The following PHACTR2 variants were observed in gnomAD, a reference collection of about 807,000 sequenced individuals.
PHACTR2 encodes the protein phosphatase and actin regulator 2.
PHACTR2 carries 30 observed loss-of-function variants against 76.0 expected under a neutral mutation model. The observed-to-expected ratio is 0.39, with a 90% CI of 0.30 to 0.54. PHACTR2 has a LOEUF of 0.54. Ranked by LOEUF, PHACTR2 falls within the 20% of genes least tolerant of loss-of-function variation. The pLI is 0.61. For synonymous variants in PHACTR2, 292 were observed against 292.5 expected (o/e 1.00, Z 0.02); for missense variants, 696 against 781.1 (o/e 0.89, Z 1.30).
At chr6:143,810,937 A>G (rs1211637353) in intron 12 of PHACTR2, among the ~76,000 whole-genome samples, 2 of 151,946 alleles carry the variant, frequency 1.3e-5, no homozygotes, top group Non-Finnish European at 2.9e-5. Context: ...TTTATTGCCT[A>G]TGTTGCAATA....
Position 143,591,099 on chromosome 6 carries a change from G to GT in PHACTR2, c.217+53900dup, listed in dbSNP as rs910252552. On this transcript the variant is annotated intron_variant, in intron 1 of 11. Transcript: ENST00000367584. This position sits in a 1 kb window ranked among gnomAD's most constrained non-coding sequence, Gnocchi z 6.4. ...AGACAATATTTTGAAATATTAACAG[G>GT]TTTTTTTTCTGTAATTCTTTGTGCC... 2.8e-4 allele frequency among the ~76,000 whole-genome samples: 43 copies of GT among 151,966 alleles called. No homozygotes were observed. The highest frequency in any genetic ancestry group is 2.4e-3 in the Admixed American group (36 of 15,258).
intron 2 of PHACTR2, among the ~76,000 whole-genome samples, chr6:143,741,955 A>T (rs894496366): frequency 1.3e-4 from 20 of 152,016 alleles, no homozygotes; most frequent in Non-Finnish European, 2.2e-4. Flanking sequence ...TACAAAAAAA[A>T]TTAGCTGGGC....
At chr6:143,620,333 C>T (rs1322014919) in intron 1 of PHACTR2, among the ~76,000 whole-genome samples, 1 of 151,852 alleles carries the variant, frequency 6.6e-6, no homozygotes, top group Non-Finnish European at 1.5e-5. Context: ...CTCGAAACTA[C>T]AAAAACTCCC....
chr6:143,668,200 C>T (rs187914302), intron 1 of PHACTR2, among the ~76,000 whole-genome samples: 109 of 152,296 alleles, frequency 7.2e-4, no homozygotes, highest in Non-Finnish European at 1.3e-3. Context: ...TATGTTGAAC[C>T]AGCCTTGCAT....
chr6:143,574,692 T>A (rs1775485828), intron 1 of PHACTR2, among the ~76,000 whole-genome samples: 4 of 148,116 alleles, frequency 2.7e-5, no homozygotes. Context: ...TTGATGGCAT[T>A]AAAAAAAAAA....
intron 11 of PHACTR2, among the ~76,000 whole-genome samples, chr6:143,799,954 T>C (rs932964782): frequency 4.6e-5 from 7 of 152,204 alleles, no homozygotes; most frequent in Non-Finnish European, 8.8e-5. Flanking sequence ...TTCTGTCTTA[T>C]TGATCTGTCC....
At chr6:143,736,750 A>G (rs1778831165) in intron 2 of PHACTR2, among the ~76,000 whole-genome samples, 1 of 150,788 alleles carries the variant, frequency 6.6e-6, no homozygotes, top group Admixed American at 6.6e-5. Flanking sequence ...ATTTTTTTGT[A>G]TTTTTAATAG....
intron 1 of PHACTR2, among the ~76,000 whole-genome samples, chr6:143,569,104 C>T (rs1030768012): frequency 2.0e-5 from 3 of 152,202 alleles, no homozygotes; most frequent in Admixed American, 6.5e-5. Flanking sequence ...CGTGCTCACC[C>T]GTGACCATGA....
chr6:143,785,425 G>A (rs1285446185), intron 10 of PHACTR2, among the ~76,000 whole-genome samples: 1 of 152,198 alleles, frequency 6.6e-6, no homozygotes, highest in Non-Finnish European at 1.5e-5. Flanking sequence ...GCAGGGTACA[G>A]CCTCCCTCTT....
chr6:143,657,967 CA>C (rs1342057337), intron 1 of PHACTR2, among the ~76,000 whole-genome samples: 1 of 152,140 alleles, frequency 6.6e-6, no homozygotes, highest in Non-Finnish European at 1.5e-5. Flanking sequence ...GGGGTCCAGG[CA>C]GCACATCACA....
intron 1 of PHACTR2, among the ~76,000 whole-genome samples, chr6:143,687,539 C>A (rs1242441319): frequency 6.6e-6 from 1 of 152,158 alleles, no homozygotes; most frequent in Non-Finnish European, 1.5e-5. Flanking sequence ...CTTGTTTCCT[C>A]CCCACAAAAG....
intron 2 of PHACTR2, among the ~76,000 whole-genome samples, chr6:143,723,427 C>T (rs1330648554): frequency 6.6e-6 from 1 of 152,194 alleles, no homozygotes; most frequent in Non-Finnish European, 1.5e-5. Flanking sequence ...AAGAAGACAG[C>T]GTTCCTTCTG....
rs1455580490 is a variant in PHACTR2 at position 143,818,885 on chromosome 6, T to C, written c.1923-4789T>C. 1.3e-5 allele frequency among the ~76,000 whole-genome samples: 2 copies of C among 152,250 alleles called. No individual in the cohort carries two copies. The highest frequency in any genetic ancestry group is 2.9e-5 in the Non-Finnish European group (2 of 68,040). ...AAACCATATCAATTTGCCTTTCACA[T>C]TGTATATAAAATATTTGATTTAAGA... On this transcript the variant is annotated intron_variant, in intron 12 of 12. Coordinates refer to ENST00000440869, the MANE Select transcript of PHACTR2 (RefSeq NM_001100164.2). This position sits in a 1 kb window ranked among gnomAD's most constrained non-coding sequence, Gnocchi z 4.9.
Position 143,789,857 on chromosome 6 carries a change from T to A in PHACTR2, c.1845+947T>A, listed in dbSNP as rs1775636894. 6.6e-6 allele frequency among the ~76,000 whole-genome samples: 1 copy of A among 152,034 alleles called. No homozygotes were observed. The highest frequency in any genetic ancestry group is 1.5e-5 in the Non-Finnish European group (1 of 68,012). On this transcript the variant is annotated intron_variant, in intron 11 of 12. Coordinates refer to ENST00000440869, the MANE Select transcript of PHACTR2 (RefSeq NM_001100164.2). The surrounding 1 kb of genome is among the most constrained non-coding windows in gnomAD (Gnocchi z 5.1). ...TTAGCTCATAAGTAGAAATGAAAAGTAAGAAGGAATAAGATCACAAAGGAA... is the reference window on the plus strand; with the variant it reads ...TTAGCTCATAAGTAGAAATGAAAAGAAAGAAGGAATAAGATCACAAAGGAA...
chr6:143,538,805 T>G (rs929459416), intron 1 of PHACTR2, among the ~76,000 whole-genome samples: 2 of 152,248 alleles, frequency 1.3e-5, no homozygotes, highest in African/African-American at 4.8e-5. Flanking sequence ...GTTGTGACTT[T>G]GTAGATCGCA....
rs908808204 is a variant in PHACTR2, at chr6:143,621,273, AT to A, written c.13+12953del. Among the ~76,000 whole-genome samples, 1 of 152,196 alleles carries A rather than the reference AT, an allele frequency of 6.6e-6. No individual in the cohort carries two copies. Among genetic ancestry groups the A allele is most frequent in the African/African-American group, 2.4e-5 (1 of 41,458 alleles). On this transcript the variant is annotated intron_variant, in intron 1 of 11. Transcript: ENST00000305766. This position sits in a 1 kb window ranked among gnomAD's most constrained non-coding sequence, Gnocchi z 4.1. ...ACATCAGGAGGCCCCCACAGGTTTCATTCTGGCTTCTTCAATTTGGTGTGAA... is the reference window on the plus strand; with the variant it reads ...ACATCAGGAGGCCCCCACAGGTTTCATCTGGCTTCTTCAATTTGGTGTGAA...
At chr6:143,650,144 A>C (rs1776733833) in intron 1 of PHACTR2, among the ~76,000 whole-genome samples, 1 of 152,176 alleles carries the variant, frequency 6.6e-6, no homozygotes, top group African/African-American at 2.4e-5. Flanking sequence ...GAAGTGAAGG[A>C]CCTCTTCAAG....
In PHACTR2 at chr6:143,772,593, A is replaced by G. The variant is rs1379260727; in HGVS notation, c.1432+136A>G. ...CCCTCATCCTCCTTTCTCAAATTAG[A>G]AATGTGTATATCCTAAAGTTTAGCT... On this transcript the variant is annotated intron_variant, in intron 7 of 12. Transcript: ENST00000440869. This position sits in a 1 kb window ranked among gnomAD's most constrained non-coding sequence, Gnocchi z 5.4. The G allele has an allele frequency of 1.5e-6, 1 of 668,500 alleles. No individual in the cohort carries two copies. Among genetic ancestry groups the G allele is most frequent in the African/African-American group, 1.8e-5 (1 of 55,124 alleles). 41.4% of individuals were successfully genotyped at this position (668,500 alleles called of 1,614,324 possible). A position where few individuals can be genotyped will look rare whatever the true frequency, so the allele number is the denominator to read the frequency against.
rs1455387491 is a variant in PHACTR2 at position 143,583,464 on chromosome 6, G to A, written c.217+46257G>A. ...TGCTGAGTGACACAATGATATTTTT[G>A]TACTTAATCACAAAAGCAGAGAGTC... is the stretch of plus-strand genomic sequence containing the variant. On this transcript the variant is annotated intron_variant, in intron 1 of 11. Coordinates refer to the PHACTR2 transcript ENST00000367584. This position sits in a 1 kb window ranked among gnomAD's most constrained non-coding sequence, Gnocchi z 4.0. Among the ~76,000 whole-genome samples, 1 of 152,206 alleles carries A rather than the reference G, an allele frequency of 6.6e-6. No homozygotes were observed. Among genetic ancestry groups the A allele is most frequent in the Non-Finnish European group, 1.5e-5 (1 of 68,038 alleles).
Sources: gnomAD v4.1 joint callset for allele counts (sites outside exome capture counted in the v4.1 genomes callset) on GRCh38, gnomAD v4.1.1 for gene constraint, Gnocchi (gnomAD v3.1) non-coding constraint, MANE v1.5 for transcripts, NCBI Gene and HGNC (gene_info 2026-07-23, HGNC 2026-07-21) for gene names.